The following DCDC2 variants were observed in gnomAD, a reference collection of about 807,000 sequenced individuals.
DCDC2 encodes doublecortin domain containing 2.
DCDC2 carries 40 observed loss-of-function variants against 50.2 expected under a neutral mutation model. That is an observed-to-expected ratio of 0.80 (90% CI 0.62 to 1.04). The LOEUF (loss-of-function observed/expected upper bound fraction) is 1.04, where lower values mean the gene tolerates loss of function less well. Ranked by LOEUF, DCDC2 falls within the 50% of genes least tolerant of loss-of-function variation. The pLI is 0.00. For synonymous variants in DCDC2, 234 were observed against 210.6 expected (o/e 1.11, Z -0.96); for missense variants, 570 against 581.9 (o/e 0.98, Z 0.21).
chr6:24,318,396 G>GT (rs369281818), intron 2 of DCDC2, among the ~76,000 whole-genome samples: 1 of 151,902 alleles, frequency 6.6e-6, no homozygotes. Context: ...GTTGTTGTTA[G>GT]TTTTTTTAGT....
At chr6:24,189,856 G>C (rs1178836077) in intron 8 of DCDC2, among the ~76,000 whole-genome samples, 2 of 152,060 alleles carry the variant, frequency 1.3e-5, no homozygotes, top group Admixed American at 1.3e-4. Context: ...ACAGGTTTTG[G>C]GGTAGAAGAT....
chr6:24,224,271 T>C (rs928644869), intron 7 of DCDC2, among the ~76,000 whole-genome samples: 2 of 152,194 alleles, frequency 1.3e-5, no homozygotes, highest in African/African-American at 4.8e-5. Context: ...GAGCACCAAC[T>C]CTGTACCAAC....
intron 2 of DCDC2, among the ~76,000 whole-genome samples, chr6:24,337,464 C>T (rs956778194): frequency 6.6e-6 from 1 of 151,838 alleles, no homozygotes; most frequent in Non-Finnish European, 1.5e-5. Context: ...AAATAATTCC[C>T]GGCAATATTT....
At chr6:24,279,103 C>T (rs565682091) in intron 6 of DCDC2, among the ~76,000 whole-genome samples, 1 of 152,318 alleles carries the variant, frequency 6.6e-6, no homozygotes, top group Admixed American at 6.5e-5. Flanking sequence ...GTTTCGGTGG[C>T]TTTTATCACT....
Position 24,299,117 on chromosome 6 carries a change from G to A in DCDC2, c.557+2598C>T, listed in dbSNP as rs370505979. On this transcript the variant is annotated intron_variant, in intron 4 of 9. Transcript: ENST00000378454. ...CTCCATCAATGGTGGGCTGGATAAA[G>A]AAAATATGGTGTATATACACCATGG... 3.0e-4 allele frequency among the ~76,000 whole-genome samples: 46 copies of A among 152,298 alleles called. 1 individual carries two copies. Among genetic ancestry groups the A allele is most frequent in the African/African-American group, 1.1e-3 (45 of 41,560 alleles).
intron 7 of DCDC2, among the ~76,000 whole-genome samples, chr6:24,213,597 T>C (rs1761922235): frequency 6.6e-6 from 1 of 152,190 alleles, no homozygotes; most frequent in Non-Finnish European, 1.5e-5. Flanking sequence ...GTGAACTACA[T>C]TCACATGTGA....
chr6:24,212,468 C>G (rs1427545767), intron 7 of DCDC2, among the ~76,000 whole-genome samples: 1 of 152,160 alleles, frequency 6.6e-6, no homozygotes, highest in Non-Finnish European at 1.5e-5. Flanking sequence ...ATTCTCCTAC[C>G]AGGTGCAAAA....
At chr6:24,190,437 G>A (rs1163033761) in intron 8 of DCDC2, among the ~76,000 whole-genome samples, 1 of 152,130 alleles carries the variant, frequency 6.6e-6, no homozygotes, top group Non-Finnish European at 1.5e-5. Context: ...TAAATGATGA[G>A]TTAATGGGTG....
chr6:24,299,805 G>A (rs1215097664), intron 4 of DCDC2, among the ~76,000 whole-genome samples: 4 of 152,066 alleles, frequency 2.6e-5, no homozygotes, highest in African/African-American at 7.2e-5. Flanking sequence ...TGTAATCCCA[G>A]CTGTTTGAGA....
At chr6:24,249,317 CT>C (rs1331455926) in intron 7 of DCDC2, among the ~76,000 whole-genome samples, 1 of 152,110 alleles carries the variant, frequency 6.6e-6, no homozygotes, top group African/African-American at 2.4e-5. Flanking sequence ...GTATTAATTG[CT>C]AAAATTCTAT....
At chr6:24,212,245 G>A (rs746469952) in intron 7 of DCDC2, among the ~76,000 whole-genome samples, 1 of 152,156 alleles carries the variant, frequency 6.6e-6, no homozygotes, top group African/African-American at 2.4e-5. Context: ...CTGGTCCCTG[G>A]TGCAATAAAT....
chr6:24,196,853 T>A (rs1168729269), intron 8 of DCDC2, among the ~76,000 whole-genome samples: 1 of 152,204 alleles, frequency 6.6e-6, no homozygotes, highest in Admixed American at 6.5e-5. Flanking sequence ...ATCACCATTG[T>A]GGGCTGTTGC....
intron 2 of DCDC2, among the ~76,000 whole-genome samples, chr6:24,324,445 A>G (rs1759824201): frequency 1.3e-5 from 2 of 152,228 alleles, no homozygotes; most frequent in Non-Finnish European, 2.9e-5. Context: ...AGCAAAAGCA[A>G]AAGTTGTTTA....
At chr6:24,297,487 C>A (rs1166126171) in intron 4 of DCDC2, among the ~76,000 whole-genome samples, 1 of 152,086 alleles carries the variant, frequency 6.6e-6, no homozygotes, top group Non-Finnish European at 1.5e-5. Flanking sequence ...AAAGAAGTTT[C>A]TCTAAGTATT....
At chr6:24,201,003 A>G (rs1278825263) in intron 8 of DCDC2, among the ~76,000 whole-genome samples, 1 of 152,186 alleles carries the variant, frequency 6.6e-6, no homozygotes, top group East Asian at 1.9e-4. Flanking sequence ...AGATTCATAA[A>G]GCAAGTTTTT....
intron 7 of DCDC2, among the ~76,000 whole-genome samples, chr6:24,265,752 C>T (rs1275428290): frequency 1.3e-5 from 2 of 150,660 alleles, no homozygotes; most frequent in African/African-American, 2.4e-5. Flanking sequence ...TGGGATATAG[C>T]GAAGGCAGTA....
chr6:24,298,061 A>G (rs11965315), intron 4 of DCDC2, among the ~76,000 whole-genome samples: 5,615 of 152,330 alleles, frequency 0.037, 305 homozygotes, highest in African/African-American at 0.12. Context: ...TAATTTCTCC[A>G]CAGACGGAGT....
intron 8 of DCDC2, among the ~76,000 whole-genome samples, chr6:24,186,552 C>A (rs536264830): frequency 6.6e-5 from 10 of 152,186 alleles, no homozygotes; most frequent in Non-Finnish European, 1.2e-4. Flanking sequence ...AAAAACTGGT[C>A]GCCATGGTAA....
chr6:24,188,912 T>C (rs1761258606), intron 8 of DCDC2, among the ~76,000 whole-genome samples: 1 of 152,114 alleles, frequency 6.6e-6, no homozygotes, highest in African/African-American at 2.4e-5. Context: ...AGAATGCAAC[T>C]AGATTAACGG....
Sources: allele counts gnomAD v4.1 joint callset (sites outside exome capture counted in the v4.1 genomes callset), GRCh38; gene constraint gnomAD v4.1.1; transcripts MANE v1.5; gene names NCBI Gene and HGNC (gene_info 2026-07-23, HGNC 2026-07-21).